Variants in MSR1 observed in about 807,000 individuals in gnomAD.
The protein encoded by MSR1 is macrophage scavenger receptor 1.
Under a neutral mutation model 47.2 loss-of-function variants are expected in MSR1, and 53 were observed. The ratio of observed to expected loss-of-function variants is 1.12; its 90% CI spans 0.90 to 1.41. The LOEUF (loss-of-function observed/expected upper bound fraction) is 1.41, where lower values mean the gene tolerates loss of function less well. MSR1 is among the 40% of genes most tolerant of loss of function. MSR1 has a pLI of 0.00. For synonymous variants in MSR1, 239 were observed against 185.6 expected, an observed-to-expected ratio of 1.29 and a Z score of -2.34; for missense variants, 786 against 546.9, an observed-to-expected ratio of 1.44 and a Z score of -4.36.
chr8:16,176,271 C>A (rs1801643337), intron 2 of MSR1, among the ~76,000 whole-genome samples: 3 of 152,036 alleles, frequency 2.0e-5, no homozygotes, highest in African/African-American at 7.2e-5. Flanking sequence ...CTTTGGGAGG[C>A]CAAGGCGGGA....
intron 1 of MSR1, among the ~76,000 whole-genome samples, chr8:16,178,637 G>T (rs1368552920): frequency 6.6e-6 from 1 of 152,108 alleles, no homozygotes; most frequent in Non-Finnish European, 1.5e-5. Context: ...GGATGGCTGG[G>T]TCAAACGGTA....
At chr8:16,172,596 T>C (rs1292082198) in intron 3 of MSR1, among the ~76,000 whole-genome samples, 2 of 152,162 alleles carry the variant, frequency 1.3e-5, no homozygotes, top group Non-Finnish European at 2.9e-5. Flanking sequence ...ATATCTACTC[T>C]TTCATATTGG....
intron 8 of MSR1, among the ~76,000 whole-genome samples, chr8:16,123,848 C>T (rs1800066642): frequency 6.6e-6 from 1 of 152,114 alleles, no homozygotes; most frequent in African/African-American, 2.4e-5. Flanking sequence ...CAATAGCTGA[C>T]CCAAGACCCG....
chr8:16,169,278 A>G (rs1472127868), intron 3 of MSR1, among the ~76,000 whole-genome samples: 1 of 152,220 alleles, frequency 6.6e-6, no homozygotes, highest in African/African-American at 2.4e-5. Context: ...TGAATATGTT[A>G]ACAATGGCAG....
intron 1 of MSR1, among the ~76,000 whole-genome samples, chr8:16,190,889 T>A (rs1802181638): frequency 6.6e-6 from 1 of 152,028 alleles, no homozygotes; most frequent in South Asian, 2.1e-4. Flanking sequence ...GCCCGGCTAA[T>A]TTTGTATTTT....
intron 8 of MSR1, among the ~76,000 whole-genome samples, chr8:16,123,649 T>C (rs2117069315): frequency 6.6e-6 from 1 of 152,108 alleles, no homozygotes; most frequent in East Asian, 1.9e-4. Flanking sequence ...ATTTTCTACA[T>C]TCAAATCAAA....
At chr8:16,175,154 G>A (rs1384439965) in intron 3 of MSR1, 33 bp downstream of exon 3, 1 of 1,554,108 alleles carries the variant, frequency 6.4e-7, no homozygotes, top group Admixed American at 1.7e-5. Context: ...CACGGGACGA[G>A]TTACTAAATT....
chr8:16,121,231 G>A, intron 8 of MSR1: 1 of 385,850 alleles, frequency 2.6e-6, no homozygotes, highest in Non-Finnish European at 5.1e-6. Flanking sequence ...ATATTAACGA[G>A]ATAAAAAATC....
intron 7 of MSR1, among the ~76,000 whole-genome samples, chr8:16,149,769 T>C (rs2117130011): frequency 1.3e-5 from 2 of 152,250 alleles, no homozygotes; most frequent in South Asian, 2.1e-4. Flanking sequence ...TGTATTTTGC[T>C]AACAGTAACT....
chr8:16,176,760 C>T (rs1801660159), intron 2 of MSR1, among the ~76,000 whole-genome samples: 1 of 152,114 alleles, frequency 6.6e-6, no homozygotes, highest in Non-Finnish European at 1.5e-5. Context: ...CTTCTTCAAA[C>T]TCTCATCATT....
chr8:16,165,439 G>T (rs985812821), intron 4 of MSR1, among the ~76,000 whole-genome samples: 1 of 151,990 alleles, frequency 6.6e-6, no homozygotes, highest in Non-Finnish European at 1.5e-5. Context: ...TAGATCATTT[G>T]CTTGGTTTTC....
chr8:16,160,060 C>T (rs1387225958), intron 5 of MSR1, among the ~76,000 whole-genome samples: 1 of 151,258 alleles, frequency 6.6e-6, no homozygotes, highest in Non-Finnish European at 1.5e-5. Context: ...AAGAGACACA[C>T]TGAAAAAGAC....
Position 16,150,140 on chromosome 8 carries a change from GTATATATATATATATA to G in MSR1, c.979+75_979+90del, listed in dbSNP as rs55913131. On this transcript the variant is annotated intron_variant, in intron 7 of 9. Coordinates refer to ENST00000262101, the MANE Select transcript of MSR1 (RefSeq NM_138715.3). Reference sequence around the variant, plus strand: ...TATGTGTGTGTGTATGTGTGTGTGTGTATATATATATATATATATATATATATATATAAAATTATCT... The same window carrying G: ...TATGTGTGTGTGTATGTGTGTGTGTGTATATATATATATATAAAATTATCT... 31 of 178,334 alleles carry G rather than the reference GTATATATATATATATA, an allele frequency of 1.7e-4. 3 individuals are homozygous for G. Among genetic ancestry groups the G allele is most frequent in the East Asian group, 1.5e-3 (10 of 6,558 alleles). The allele number at this position is 178,334 out of a possible 1,614,324, so 11.0% of individuals were successfully genotyped here. A position where few individuals can be genotyped will look rare whatever the true frequency, so the allele number is the denominator to read the frequency against.
chr8:16,170,699 C>A (rs971899950), intron 3 of MSR1, among the ~76,000 whole-genome samples: 1 of 151,946 alleles, frequency 6.6e-6, no homozygotes. Context: ...TTAGTTCTAC[C>A]CCTAACTCAA....
intron 8 of MSR1, chr8:16,141,114 A>G: frequency 1.9e-6 from 3 of 1,554,788 alleles, no homozygotes; most frequent in Non-Finnish European, 2.7e-6. Flanking sequence ...CAAAATTTTA[A>G]AGATGCATAT....
intron 9 of MSR1, among the ~76,000 whole-genome samples, chr8:16,119,726 A>G (rs1799952693): frequency 6.6e-6 from 1 of 151,368 alleles, no homozygotes; most frequent in Non-Finnish European, 1.5e-5. Flanking sequence ...TTTGTTTTTC[A>G]GAGACAGGTC....
At chr8:16,178,813 G>T (rs1286840736) in intron 1 of MSR1, among the ~76,000 whole-genome samples, 3 of 151,914 alleles carry the variant, frequency 2.0e-5, no homozygotes, top group Non-Finnish European at 2.9e-5. Context: ...GGTGTGAGAT[G>T]GTATCTCATT....
intron 9 of MSR1, among the ~76,000 whole-genome samples, chr8:16,112,884 T>C (rs978076330): frequency 2.6e-5 from 4 of 151,570 alleles, no homozygotes; most frequent in African/African-American, 9.7e-5. Context: ...TATATATCTA[T>C]GATTTCCTTT....
intron 8 of MSR1, among the ~76,000 whole-genome samples, chr8:16,138,450 A>G (rs1296933885): frequency 1.3e-5 from 2 of 152,190 alleles, no homozygotes; most frequent in East Asian, 3.8e-4. Context: ...ATTTGTGCCA[A>G]TAATTTGAAC....
Sources: gnomAD v4.1 joint callset for allele counts (sites outside exome capture counted in the v4.1 genomes callset) on GRCh38, gnomAD v4.1.1 for gene constraint, MANE v1.5 for transcripts, NCBI Gene and HGNC (gene_info 2026-07-23, HGNC 2026-07-21) for gene names.